The following GABRB3 variants were observed in gnomAD, a reference collection of about 807,000 sequenced individuals.
GABRB3 encodes gamma-aminobutyric acid receptor subunit beta-3.
A neutral mutation model predicts 52.1 loss-of-function variants in GABRB3; 14 were observed. That is an observed-to-expected ratio of 0.27 (90% CI 0.18 to 0.42). The LOEUF is 0.42. Among genes scored for constraint, GABRB3 ranks in the 10% least tolerant of loss-of-function variants. GABRB3 has a pLI of 1.00. For synonymous variants in GABRB3, 260 were observed against 232.3 expected (o/e 1.12, Z -1.08); for missense variants, 307 against 609.1 (o/e 0.50, Z 5.22).
At chr15:26,628,997 C>G in intron 3 of GABRB3, 1 of 1,536,154 alleles carries the variant, frequency 6.5e-7, no homozygotes, top group Middle Eastern at 1.7e-4. Context: ...TGGTAGGTGG[C>G]CCACATGGGG....
intron 3 of GABRB3, among the ~76,000 whole-genome samples, chr15:26,700,822 G>A (rs28860600): frequency 0.023 from 3,475 of 152,304 alleles, 135 homozygotes; most frequent in African/African-American, 0.08. Context: ...CTGGGAGGCC[G>A]AGGCGGGCAG....
intron 3 of GABRB3, among the ~76,000 whole-genome samples, chr15:26,650,089 T>C (rs1212594418): frequency 1.3e-5 from 2 of 152,014 alleles, no homozygotes; most frequent in Non-Finnish European, 2.9e-5. Flanking sequence ...CCAGCAACAA[T>C]GAGCTTGGAA....
At chr15:26,698,438 GA>G (rs1413302398) in intron 3 of GABRB3, among the ~76,000 whole-genome samples, 1 of 152,008 alleles carries the variant, frequency 6.6e-6, no homozygotes, top group East Asian at 1.9e-4. Context: ...CACACTCAGG[GA>G]ATCACAATTA....
At chr15:26,740,600 C>A (rs1308174937) in intron 3 of GABRB3, among the ~76,000 whole-genome samples, 1 of 152,142 alleles carries the variant, frequency 6.6e-6, no homozygotes, top group East Asian at 1.9e-4. Flanking sequence ...GGACAACCTC[C>A]CTCTGTCCCG....
intron 3 of GABRB3, among the ~76,000 whole-genome samples, chr15:26,695,114 G>A (rs1019107614): frequency 6.6e-6 from 1 of 151,944 alleles, no homozygotes; most frequent in Non-Finnish European, 1.5e-5. Flanking sequence ...AGAAAGACAG[G>A]AACTTAAGAA....
intron 3 of GABRB3, among the ~76,000 whole-genome samples, chr15:26,643,348 G>A (rs866269091): frequency 1.3e-5 from 2 of 152,172 alleles, no homozygotes; most frequent in South Asian, 4.1e-4. Context: ...GCAAAGAGAC[G>A]AGGAGCCCTC....
At chr15:26,695,867 C>T (rs760840371) in intron 3 of GABRB3, among the ~76,000 whole-genome samples, 11 of 152,184 alleles carry the variant, frequency 7.2e-5, no homozygotes, top group African/African-American at 1.4e-4. Flanking sequence ...TTCCTTGATA[C>T]TGAGACAGTA....
At position 26,547,571 on chromosome 15, in the gene GABRB3, T is replaced by C; in HGVS notation, c.*222A>G. 2 of 598,738 alleles carry C rather than the reference T, an allele frequency of 3.3e-6. No homozygotes were observed. The highest frequency in any genetic ancestry group is 4.1e-5 in the South Asian group (2 of 49,038). 37.1% of individuals were successfully genotyped at this position (598,738 alleles called of 1,614,324 possible). A position where few individuals can be genotyped will look rare whatever the true frequency, so the allele number is the denominator to read the frequency against. On this transcript the variant is annotated 3_prime_UTR_variant, in exon 9 of 9. Transcript: ENST00000311550. ...TATGTGTATTTGTCTTCCATACACA[T>C]GGGCACTGACTCCTGTGTGTATAAA...
intron 3 of GABRB3, among the ~76,000 whole-genome samples, chr15:26,745,128 A>G (rs1161836932): frequency 6.6e-6 from 1 of 151,620 alleles, no homozygotes; most frequent in Non-Finnish European, 1.5e-5. Flanking sequence ...GTGAGAACTC[A>G]CTCACTAACA....
intron 6 of GABRB3, among the ~76,000 whole-genome samples, chr15:26,573,972 G>C (rs1164543609): frequency 6.6e-6 from 1 of 152,132 alleles, no homozygotes; most frequent in African/African-American, 2.4e-5. Flanking sequence ...GATCTCTTGA[G>C]CCCAGGAGAT....
At chr15:26,731,035 A>T (rs2140149990) in intron 3 of GABRB3, among the ~76,000 whole-genome samples, 1 of 150,770 alleles carries the variant, frequency 6.6e-6, no homozygotes, top group Middle Eastern at 3.4e-3. Context: ...CAGCAACACC[A>T]GTATTAATGA....
At chr15:26,684,376 A>G (rs1888335401) in intron 3 of GABRB3, among the ~76,000 whole-genome samples, 2 of 152,200 alleles carry the variant, frequency 1.3e-5, no homozygotes, top group South Asian at 4.1e-4. Flanking sequence ...GGTGAGGAGA[A>G]CAAATGATGG....
intron 7 of GABRB3, among the ~76,000 whole-genome samples, chr15:26,563,294 G>C (rs1890054131): frequency 6.6e-6 from 1 of 152,206 alleles, no homozygotes; most frequent in Non-Finnish European, 1.5e-5. Flanking sequence ...CCTGGGCTAG[G>C]ACCCTGGATC....
At chr15:26,669,631 CCT>C (rs1187382630) in intron 3 of GABRB3, among the ~76,000 whole-genome samples, 1 of 151,968 alleles carries the variant, frequency 6.6e-6, no homozygotes, top group African/African-American at 2.4e-5. Flanking sequence ...TCTCCCCACC[CCT>C]CTCCTTTAAC....
chr15:26,627,086 C>T (rs1226913436), intron 3 of GABRB3, among the ~76,000 whole-genome samples: 1 of 152,048 alleles, frequency 6.6e-6, no homozygotes, highest in Non-Finnish European at 1.5e-5. Context: ...TTTGAAAATC[C>T]CAGGGCCCTT....
chr15:26,754,126 G>A (rs1890592026), intron 3 of GABRB3, among the ~76,000 whole-genome samples: 1 of 152,136 alleles, frequency 6.6e-6, no homozygotes, highest in South Asian at 2.1e-4. Flanking sequence ...GGAGATAGAG[G>A]GACTTGAAAC....
rs141403043 is a variant in GABRB3 at position 26,584,261 on chromosome 15, A to G, written c.462-847T>C. 4.1e-3 allele frequency among the ~76,000 whole-genome samples: 626 copies of G among 152,260 alleles called. 13 individuals carry two copies. In the South Asian group the frequency reaches 0.065, roughly 16 times the overall value. ...GGTTTCCAAGGGAGTTCTTACCTTCAATTTTTGTTTCTCTTCTTGTCTATA... is the reference window on the plus strand; with the variant it reads ...GGTTTCCAAGGGAGTTCTTACCTTCGATTTTTGTTTCTCTTCTTGTCTATA... On this transcript the variant is annotated intron_variant, in intron 4 of 8. Transcript: ENST00000311550.
At chr15:26,579,776 G>A (rs1241765371) in intron 6 of GABRB3, among the ~76,000 whole-genome samples, 11 of 152,178 alleles carry the variant, frequency 7.2e-5, no homozygotes, top group Non-Finnish European at 1.3e-4. Context: ...TGGGGCAGTT[G>A]ATATAAAGAT....
chr15:26,730,417 CAAAAAAA>C (rs66961147), intron 3 of GABRB3, among the ~76,000 whole-genome samples: 1 of 67,960 alleles, frequency 1.5e-5, no homozygotes, highest in African/African-American at 5.0e-5. Context: ...GACTCCGTCT[CAAAAAAA>C]AAAAAAAAAA....
Sources: allele counts gnomAD v4.1 joint callset (sites outside exome capture counted in the v4.1 genomes callset), GRCh38; gene constraint gnomAD v4.1.1; transcripts MANE v1.5; gene names NCBI Gene and HGNC (gene_info 2026-07-23, HGNC 2026-07-21).